SLC39A8: variants seen among roughly 807,000 people sequenced by gnomAD.
The protein encoded by SLC39A8 is solute carrier family 39 member 8.
SLC39A8 carries 15 observed loss-of-function variants against 40.4 expected under a neutral mutation model. That is an observed-to-expected ratio of 0.37 (90% CI 0.25 to 0.57). The LOEUF (loss-of-function observed/expected upper bound fraction) is 0.57. SLC39A8 is among the 20% of genes least tolerant of loss of function. The pLI is 0.75. For synonymous variants in SLC39A8, 223 were observed against 221.6 expected (o/e 1.01, Z -0.06); for missense variants, 472 against 558.8 (o/e 0.84, Z 1.57).
chr4:102,334,162 C>CAGTT (rs1735577578), intron 2 of SLC39A8, among the ~76,000 whole-genome samples: 1 of 152,078 alleles, frequency 6.6e-6, no homozygotes, highest in East Asian at 1.9e-4. Context: ...TTCTATGGTC[C>CAGTT]AGTTATACAC....
At chr4:102,298,634 A>G (rs1465980251) in intron 6 of SLC39A8, among the ~76,000 whole-genome samples, 1 of 152,096 alleles carries the variant, frequency 6.6e-6, no homozygotes, top group African/African-American at 2.4e-5. Context: ...ATACATATTT[A>G]TCTCTAGTCC....
intron 2 of SLC39A8, among the ~76,000 whole-genome samples, chr4:102,326,980 C>T (rs1408509097): frequency 2.0e-5 from 3 of 152,132 alleles, no homozygotes; most frequent in South Asian, 4.1e-4. Context: ...AAACAAAAAC[C>T]TTCAAAATTA....
rs72924829 is a variant in SLC39A8, at chr4:102,269,121, A to G, written c.841-1042T>C. On this transcript the variant is annotated intron_variant, in intron 6 of 8. Transcript: ENST00000356736. Reference sequence around the variant, plus strand: ...CACAGCTTCTGTCTTCAAGAAGTGTATTTACATTGGAGAAACAAGTCATAA... The same window carrying G: ...CACAGCTTCTGTCTTCAAGAAGTGTGTTTACATTGGAGAAACAAGTCATAA... 9.0e-3 allele frequency among the ~76,000 whole-genome samples: 1,364 copies of G among 152,266 alleles called. 21 individuals are homozygous for G. The highest frequency in any genetic ancestry group is 0.031 in the African/African-American group (1,303 of 41,560).
downstream of SLC39A8, among the ~76,000 whole-genome samples, chr4:102,259,105 T>C (rs1360192441): frequency 2.0e-5 from 3 of 152,248 alleles, no homozygotes; most frequent in East Asian, 5.8e-4. Context: ...CTGTGAGGTC[T>C]GCTAATGGAG....
At chr4:102,327,551 T>C (rs1735269046) in intron 2 of SLC39A8, among the ~76,000 whole-genome samples, 1 of 152,248 alleles carries the variant, frequency 6.6e-6, no homozygotes, top group South Asian at 2.1e-4. Flanking sequence ...TACCCATCCC[T>C]TCTCCAGACT....
chr4:102,275,899 G>A lies in SLC39A8; in HGVS notation c.841-7820C>T, dbSNP rs181746463. 1.3e-3 allele frequency among the ~76,000 whole-genome samples: 204 copies of A among 152,238 alleles called. 2 individuals are homozygous for A. In the East Asian group the frequency reaches 0.024, roughly 18 times the overall value. ...CCTGAATGACTACTGGGTAAATAAC[G>A]AAATTAAGGCAGAAAGAAATAAGTT... On this transcript the variant is annotated intron_variant, in intron 6 of 8. Coordinates refer to ENST00000356736, the MANE Select transcript of SLC39A8 (RefSeq NM_001135146.2).
rs1478779135 is a variant in SLC39A8, at chr4:102,262,180, T to C, written c.*864A>G. On this transcript the variant is annotated 3_prime_UTR_variant, in exon 9 of 9. Transcript: ENST00000356736. Reference sequence around the variant, plus strand: ...AAATAGTTATGTTTGTCTTTAAAAGTAAATTGCATAAAATTACATCCAATT... The same window carrying C: ...AAATAGTTATGTTTGTCTTTAAAAGCAAATTGCATAAAATTACATCCAATT... 1 of 985,834 alleles carries C rather than the reference T, an allele frequency of 1.0e-6. No homozygotes were observed. Among genetic ancestry groups the C allele is most frequent in the African/African-American group, 1.7e-5 (1 of 57,252 alleles). 61.1% of individuals were successfully genotyped at this position (985,834 alleles called of 1,614,324 possible).
intron 6 of SLC39A8, among the ~76,000 whole-genome samples, chr4:102,284,174 G>A (rs982792359): frequency 2.0e-4 from 30 of 152,198 alleles, no homozygotes; most frequent in African/African-American, 7.0e-4. Flanking sequence ...GAGTAGTGGT[G>A]ATGTCAGGGT....
chr4:102,254,317 C>T (rs997282826), intron 11 of SLC39A8, among the ~76,000 whole-genome samples: 3 of 152,130 alleles, frequency 2.0e-5, no homozygotes, highest in Non-Finnish European at 4.4e-5. Flanking sequence ...ATCTTTATAT[C>T]TCCAGGCCTA....
intron 3 of SLC39A8, among the ~76,000 whole-genome samples, chr4:102,314,084 G>A (rs1734555851): frequency 6.6e-6 from 1 of 151,950 alleles, no homozygotes; most frequent in Non-Finnish European, 1.5e-5. Context: ...CTACAATAAA[G>A]GGCTCTTCCC....
chr4:102,290,545 A>C (rs1733381965), intron 6 of SLC39A8, among the ~76,000 whole-genome samples: 1 of 152,078 alleles, frequency 6.6e-6, no homozygotes, highest in Non-Finnish European at 1.5e-5. Flanking sequence ...TTCAAGGCAT[A>C]CTGTTCTCCT....
chr4:102,272,484 G>A (rs1164661086), intron 6 of SLC39A8, among the ~76,000 whole-genome samples: 3 of 151,982 alleles, frequency 2.0e-5, no homozygotes, highest in Non-Finnish European at 4.4e-5. Flanking sequence ...GGTGTCATGA[G>A]CTTATGTTCC....
downstream of SLC39A8, among the ~76,000 whole-genome samples, chr4:102,259,057 C>A (rs926498667): frequency 3.3e-5 from 5 of 152,212 alleles, no homozygotes; most frequent in African/African-American, 1.2e-4. Flanking sequence ...ACTTGCCAGA[C>A]CTCCTCTGAG....
intron 6 of SLC39A8, among the ~76,000 whole-genome samples, chr4:102,299,312 AAAG>A (rs925397357): frequency 3.3e-5 from 5 of 151,928 alleles, no homozygotes; most frequent in Non-Finnish European, 4.4e-5. Flanking sequence ...AAAAAAAAAA[AAAG>A]AGTGCTTTCC....
chr4:102,294,214 A>C (rs969512844), intron 6 of SLC39A8, among the ~76,000 whole-genome samples: 1 of 152,036 alleles, frequency 6.6e-6, no homozygotes, highest in Non-Finnish European at 1.5e-5. Context: ...AACTCCTACA[A>C]ATGACAGACT....
downstream of SLC39A8, among the ~76,000 whole-genome samples, chr4:102,260,289 G>A (rs1025068596): frequency 1.3e-5 from 2 of 152,192 alleles, no homozygotes; most frequent in Non-Finnish European, 2.9e-5. Flanking sequence ...TTTTCAGTAA[G>A]AGAATTCTGA....
intron 8 of SLC39A8, among the ~76,000 whole-genome samples, chr4:102,265,670 G>A (rs1370825887): frequency 6.6e-6 from 1 of 152,102 alleles, no homozygotes; most frequent in Non-Finnish European, 1.5e-5. Context: ...TGGGAGGGGT[G>A]GTATGATCAT....
intron 6 of SLC39A8, among the ~76,000 whole-genome samples, chr4:102,298,635 T>C (rs150042609): frequency 7.9e-4 from 120 of 152,186 alleles, no homozygotes; most frequent in African/African-American, 2.8e-3. Flanking sequence ...TACATATTTA[T>C]CTCTAGTCCA....
chr4:102,252,923 T>C (rs896294504), exon 12 of SLC39A8: 1 of 151,388 alleles, frequency 6.6e-6, no homozygotes, highest in Non-Finnish European at 1.5e-5. Context: ...ATTCTGATGA[T>C]TTGCTGGCAA....
Sources: gnomAD v4.1 joint callset for allele counts (sites outside exome capture counted in the v4.1 genomes callset) on GRCh38, gnomAD v4.1.1 for gene constraint, MANE v1.5 for transcripts, NCBI Gene and HGNC (gene_info 2026-07-23, HGNC 2026-07-21) for gene names.